Variants in SPOCK3 observed in about 807,000 individuals in gnomAD.
SPOCK3 encodes the protein SPARC (osteonectin), cwcv and kazal like domains proteoglycan 3.
A neutral mutation model predicts 56.6 loss-of-function variants in SPOCK3; 30 were observed. That is an observed-to-expected ratio of 0.53 (90% CI 0.40 to 0.72). SPOCK3 has a LOEUF of 0.72. SPOCK3 is among the 30% of genes least tolerant of loss of function. The probability of loss-of-function intolerance (pLI) is 0.00; values close to 1 mark genes in which losing one functional copy is unlikely to be tolerated. For synonymous variants in SPOCK3, 196 were observed against 183.3 expected, an observed-to-expected ratio of 1.07 and a Z score of -0.56; for missense variants, 527 against 530.0, an observed-to-expected ratio of 0.99 and a Z score of 0.06.
intron 4 of SPOCK3, among the ~76,000 whole-genome samples, chr4:166,991,814 G>C (rs1205192030): frequency 6.6e-6 from 1 of 152,148 alleles, no homozygotes; most frequent in African/African-American, 2.4e-5. Context: ...ACACTCTGGA[G>C]GTTGTTTGAC....
rs796658719 is a variant in SPOCK3, at chr4:166,827,613, C to T, written c.590-35324G>A. Among the ~76,000 whole-genome samples the T allele has an allele frequency of 7.9e-5, 12 of 152,124 alleles. No individual in the cohort carries two copies. In the South Asian group the frequency reaches 2.3e-3, roughly 29 times the overall value. On this transcript the variant is annotated intron_variant, in intron 6 of 10. Transcript: ENST00000357545. ...TCAGGTCAGTATTCAGAGAAAAGTACAGCAAAAACAACTATAACAGCATCA... is the reference window on the plus strand; with the variant it reads ...TCAGGTCAGTATTCAGAGAAAAGTATAGCAAAAACAACTATAACAGCATCA...
intron 6 of SPOCK3, among the ~76,000 whole-genome samples, chr4:166,829,598 G>A (rs1745827415): frequency 6.6e-6 from 1 of 152,030 alleles, no homozygotes; most frequent in Non-Finnish European, 1.5e-5. Flanking sequence ...TCTCAATACA[G>A]AAATACTTTC....
chr4:166,787,197 G>C (rs529097532), intron 7 of SPOCK3, among the ~76,000 whole-genome samples: 2 of 152,050 alleles, frequency 1.3e-5, no homozygotes, highest in African/African-American at 4.8e-5. Flanking sequence ...TGAACATTAC[G>C]TTAATAATTT....
chr4:166,773,430 G>GT (rs5863841), intron 7 of SPOCK3, among the ~76,000 whole-genome samples: 50,093 of 151,648 alleles, frequency 0.33, 8,372 homozygotes, highest in Admixed American at 0.41. Flanking sequence ...AAAAGTAACT[G>GT]TTTCTTTTAA....
intron 6 of SPOCK3, among the ~76,000 whole-genome samples, chr4:166,808,365 C>A (rs1743398914): frequency 6.6e-6 from 1 of 152,026 alleles, no homozygotes; most frequent in African/African-American, 2.4e-5. Context: ...AATAGGGTCT[C>A]TGGGAGGTAA....
chr4:166,966,094 A>G (rs1316521108), intron 4 of SPOCK3, among the ~76,000 whole-genome samples: 1 of 152,056 alleles, frequency 6.6e-6, no homozygotes, highest in East Asian at 1.9e-4. Context: ...ATCATATAAT[A>G]TGTATGTAGC....
At chr4:166,924,694 G>A (rs915430855) in intron 4 of SPOCK3, among the ~76,000 whole-genome samples, 1 of 152,306 alleles carries the variant, frequency 6.6e-6, no homozygotes, top group East Asian at 1.9e-4. Context: ...GCTGGTAAGT[G>A]GAATGGCTAG....
chr4:167,202,179 G>C (rs1733580269), intron 2 of SPOCK3, among the ~76,000 whole-genome samples: 1 of 151,862 alleles, frequency 6.6e-6, no homozygotes, highest in Non-Finnish European at 1.5e-5. Context: ...TTCACTCTTA[G>C]ATGCCATGTC....
intron 2 of SPOCK3, among the ~76,000 whole-genome samples, chr4:167,126,581 T>A (rs978966019): frequency 6.6e-6 from 1 of 150,782 alleles, no homozygotes; most frequent in Non-Finnish European, 1.5e-5. Context: ...ATTGCCAACA[T>A]ATTGATAAGC....
In SPOCK3 at chr4:166,791,710, C is replaced by G. The variant is rs570432881; in HGVS notation, c.709+460G>C. Among the ~76,000 whole-genome samples, 97 of 151,606 alleles carry G rather than the reference C, an allele frequency of 6.4e-4. 1 individual carries two copies. Among genetic ancestry groups the G allele is most frequent in the African/African-American group, 2.1e-3 (85 of 41,310 alleles). Reference sequence around the variant, plus strand: ...CTCTTTTTTTTCCTTCTGTGTTTTACTTATTTAATTTGCAGATATCCTCTC... The same window carrying G: ...CTCTTTTTTTTCCTTCTGTGTTTTAGTTATTTAATTTGCAGATATCCTCTC... On this transcript the variant is annotated intron_variant, in intron 7 of 10. Transcript: ENST00000357545.
chr4:167,005,618 T>C (rs1178129638), intron 3 of SPOCK3, among the ~76,000 whole-genome samples: 2 of 152,066 alleles, frequency 1.3e-5, no homozygotes, highest in African/African-American at 2.4e-5. Context: ...CAAAATCCTT[T>C]TATATACTTT....
chr4:166,733,642 A>G lies in SPOCK3; in HGVS notation c.*1279T>C, dbSNP rs1733953978. ...ATGGGCACAAAACCATTGGTATGATATAGTTAAAAGTGATGGTGTGCCAAA... is the reference window on the plus strand; with the variant it reads ...ATGGGCACAAAACCATTGGTATGATGTAGTTAAAAGTGATGGTGTGCCAAA... On this transcript the variant is annotated 3_prime_UTR_variant, in exon 11 of 11. Coordinates refer to ENST00000357545, the MANE Select transcript of SPOCK3 (RefSeq NM_001040159.2). 6.6e-6 allele frequency: 1 copy of G among 152,206 alleles called. No homozygotes were observed. The highest frequency in any genetic ancestry group is 6.6e-5 in the Admixed American group (1 of 15,206). 9.4% of individuals were successfully genotyped at this position (152,206 alleles called of 1,614,324 possible).
chr4:166,897,034 T>C (rs979591624), intron 5 of SPOCK3, among the ~76,000 whole-genome samples: 4 of 152,208 alleles, frequency 2.6e-5, no homozygotes, highest in Non-Finnish European at 5.9e-5. Flanking sequence ...AATCTCACTA[T>C]GTGCCGTTGA....
In SPOCK3 at chr4:167,216,412, C is replaced by T. The variant is rs190220333; in HGVS notation, c.189+17573G>A. On this transcript the variant is annotated intron_variant, in intron 2 of 10. Transcript: ENST00000357545. ...ATTGATCAAAAAAGTATTATTGGTG[C>T]TTGCAGGCAGGGAGAAGCCTGAAAA... Among the ~76,000 whole-genome samples, 444 of 152,186 alleles carry T rather than the reference C, an allele frequency of 2.9e-3. 1 individual carries two copies. The highest frequency in any genetic ancestry group is 5.1e-3 in the Non-Finnish European group (346 of 68,000).
intron 3 of SPOCK3, among the ~76,000 whole-genome samples, chr4:167,010,503 C>T (rs964656444): frequency 5.3e-5 from 6 of 113,446 alleles, no homozygotes; most frequent in Admixed American, 1.3e-4. Context: ...CTGGATGATA[C>T]AGTGAGACTC....
At chr4:167,173,045 CTA>C (rs1730648067) in intron 2 of SPOCK3, among the ~76,000 whole-genome samples, 1 of 152,104 alleles carries the variant, frequency 6.6e-6, no homozygotes. Context: ...CATTTCATCT[CTA>C]TCATTCATTA....
chr4:166,813,036 T>C (rs910861512), intron 6 of SPOCK3, among the ~76,000 whole-genome samples: 1 of 152,100 alleles, frequency 6.6e-6, no homozygotes, highest in Non-Finnish European at 1.5e-5. Flanking sequence ...ACAAATACTA[T>C]AGTTATCATA....
rs772727286 is a variant in SPOCK3 at position 166,743,428 on chromosome 4, A to G, written c.932-1369T>C. 1.1e-4 allele frequency among the ~76,000 whole-genome samples: 15 copies of G among 141,052 alleles called. No individual in the cohort carries two copies. In the Admixed American group the frequency reaches 1.1e-3, roughly 11 times the overall value. 92.5% of individuals were successfully genotyped at this position (141,052 alleles called of 152,430 possible). On this transcript the variant is annotated intron_variant, in intron 8 of 10. Transcript: ENST00000357545. ...CATTGTAGTTTAATATGTGAACTTA[A>G]TCTTGCAGAATCTAAAAAAAAATTC...
At chr4:166,869,177 G>GCGCTGCTAAAAGGA (rs1732193848) in intron 6 of SPOCK3, among the ~76,000 whole-genome samples, 1 of 151,996 alleles carries the variant, frequency 6.6e-6, no homozygotes, top group Non-Finnish European at 1.5e-5. Flanking sequence ...TGCAGGATCA[G>GCGCTGCTAAAAGGA]CAGGAATAGC....
Sources: allele counts gnomAD v4.1 joint callset (sites outside exome capture counted in the v4.1 genomes callset), GRCh38; gene constraint gnomAD v4.1.1; transcripts MANE v1.5; gene names NCBI Gene and HGNC (gene_info 2026-07-23, HGNC 2026-07-21).